DNAH9: variants seen among roughly 807,000 people sequenced by gnomAD.
DNAH9 encodes DNAH9 variant protein.
In DNAH9, 345 loss-of-function variants were observed where a neutral mutation model predicts 471.6. The observed-to-expected ratio is 0.73, with a 90% CI of 0.67 to 0.80. DNAH9 has a LOEUF of 0.80. Ranked by LOEUF, DNAH9 falls within the 30% of genes least tolerant of loss-of-function variation. The pLI is 0.00. For synonymous variants in DNAH9, 2,093 were observed against 2,123.6 expected, an observed-to-expected ratio of 0.99 and a Z score of 0.40; for missense variants, 5,407 against 5,609.2, an observed-to-expected ratio of 0.96 and a Z score of 1.15.
At chr17:11,918,724 G>A (rs2151024797) in intron 61 of DNAH9, among the ~76,000 whole-genome samples, 1 of 152,068 alleles carries the variant, frequency 6.6e-6, no homozygotes, top group South Asian at 2.1e-4. Context: ...AGTGGCTCAT[G>A]CCTATAATCC....
chr17:11,754,713 A>G (rs1410341714), intron 33 of DNAH9, among the ~76,000 whole-genome samples: 2 of 152,096 alleles, frequency 1.3e-5, no homozygotes, highest in African/African-American at 4.8e-5. Flanking sequence ...TAAGTTCCTT[A>G]TAGATGCTGG....
At chr17:11,843,890 T>TATATATATATATATATATATATAC (rs1389217941) in intron 49 of DNAH9, among the ~76,000 whole-genome samples, 5 of 127,212 alleles carry the variant, frequency 3.9e-5, no homozygotes, top group African/African-American at 9.3e-5. Flanking sequence ...TATATATATA[T>TATATATATATATATATATATATAC]ACACATAGAG....
Position 11,807,759 on chromosome 17 carries a change from C to A in DNAH9, c.8448C>A (p.Ser2816=). 7 of 1,612,026 alleles carry A rather than the reference C, an allele frequency of 4.3e-6. No homozygotes were observed. The highest frequency in any genetic ancestry group is 4.2e-6 in the Non-Finnish European group (5 of 1,178,378). Residue 2816 remains serine, a synonymous_variant, in exon 44 of 69, where the codon TCC becomes TCA. Coordinates refer to ENST00000262442, the MANE Select transcript of DNAH9 (RefSeq NM_001372.4). ...HVCHINRILE[S]PRGNALLVGV... Reference sequence around the variant, plus strand: ...GCCATATCAATCGCATCTTGGAGTCCCCGCGGGGAAATGCTCTGCTGGTTG... The same window carrying A: ...GCCATATCAATCGCATCTTGGAGTCACCGCGGGGAAATGCTCTGCTGGTTG...
At chr17:11,911,319 C>T (rs1973787210) in intron 61 of DNAH9, among the ~76,000 whole-genome samples, 2 of 152,138 alleles carry the variant, frequency 1.3e-5, no homozygotes, top group Admixed American at 6.5e-5. Context: ...GATGTTAGAA[C>T]CCTTGTCAAA....
chr17:11,938,775 T>C (rs1271333308), intron 66 of DNAH9, among the ~76,000 whole-genome samples: 3 of 152,090 alleles, frequency 2.0e-5, no homozygotes, highest in African/African-American at 7.2e-5. Context: ...ATTTTTTAAC[T>C]TTTTGTAGAG....
At chr17:11,888,022 G>A (rs1597791689) in intron 57 of DNAH9, among the ~76,000 whole-genome samples, 1 of 147,356 alleles carries the variant, frequency 6.8e-6, no homozygotes, top group Non-Finnish European at 1.5e-5. Context: ...TCGCTTTGTT[G>A]CCCAGGCTGG....
In DNAH9 at chr17:11,822,809, A is replaced by G; in HGVS notation, c.9021A>G (p.Val3007=). 19 of 1,614,240 alleles carry G rather than the reference A, an allele frequency of 1.2e-5. No homozygotes were observed. The highest frequency in any genetic ancestry group is 1.5e-5 in the Non-Finnish European group (18 of 1,180,032). ...LQNTEGIEPT[V]KQSISKFMAF... ...TTGCTCTTTGGTTTTAGCCCACAGT[A>G]AAGCAGTCGATTAGCAAATTCATGG... Residue 3007 remains valine (V), a synonymous_variant, in exon 48 of 69, where the codon GTA becomes GTG. Coordinates refer to ENST00000262442, the MANE Select transcript of DNAH9 (RefSeq NM_001372.4).
chr17:11,855,038 C>T (rs1298779875), intron 50 of DNAH9, among the ~76,000 whole-genome samples: 2 of 152,066 alleles, frequency 1.3e-5, no homozygotes, highest in Non-Finnish European at 2.9e-5. Context: ...TCCTTGTCAA[C>T]CTGAAATAAT....
chr17:11,755,426 A>G (rs935132960), intron 33 of DNAH9, among the ~76,000 whole-genome samples: 1 of 152,156 alleles, frequency 6.6e-6, no homozygotes, highest in African/African-American at 2.4e-5. Flanking sequence ...ATGGTCATTT[A>G]ATGAGTTTGA....
At chr17:11,866,964 T>TG (rs1757738974) in intron 50 of DNAH9, among the ~76,000 whole-genome samples, 2 of 152,256 alleles carry the variant, frequency 1.3e-5, no homozygotes, top group African/African-American at 4.8e-5. Context: ...CCTGACCCCT[T>TG]GTGCTTCCCG....
intron 62 of DNAH9, among the ~76,000 whole-genome samples, chr17:11,927,598 T>G (rs1974375539): frequency 6.6e-6 from 1 of 152,158 alleles, no homozygotes; most frequent in African/African-American, 2.4e-5. Context: ...TCTTTATGGA[T>G]CTAACATCTT....
chr17:11,655,629 AC>A (rs2073626263), intron 14 of DNAH9, among the ~76,000 whole-genome samples: 1 of 150,930 alleles, frequency 6.6e-6, no homozygotes, highest in Non-Finnish European at 1.5e-5. Flanking sequence ...ACACACACAC[AC>A]ACCATGTATA....
Position 11,962,843 on chromosome 17 carries a change from T to C in DNAH9, c.13233+587T>C, listed in dbSNP as rs1232552817. 2.6e-5 allele frequency among the ~76,000 whole-genome samples: 4 copies of C among 152,134 alleles called. No individual in the cohort carries two copies. The highest frequency in any genetic ancestry group is 5.9e-5 in the Non-Finnish European group (4 of 68,032). On this transcript the variant is annotated intron_variant, in intron 68 of 68. Transcript: ENST00000262442. This position sits in a 1 kb window ranked among gnomAD's most constrained non-coding sequence, Gnocchi z 4.1. Reference sequence around the variant, plus strand: ...AAGGGCAGGAATCTTCTGCCTTTTATGTTGTCCTATGTTGGCAAAGAGGAG... The same window carrying C: ...AAGGGCAGGAATCTTCTGCCTTTTACGTTGTCCTATGTTGGCAAAGAGGAG...
chr17:11,708,475 T>C (rs776356951), intron 26 of DNAH9, among the ~76,000 whole-genome samples: 4 of 152,086 alleles, frequency 2.6e-5, no homozygotes, highest in Non-Finnish European at 4.4e-5. Context: ...CAGAGGGAGA[T>C]GTCGATCTCT....
At chr17:11,922,520 C>A (rs926405565) in intron 61 of DNAH9, among the ~76,000 whole-genome samples, 3 of 152,232 alleles carry the variant, frequency 2.0e-5, no homozygotes, top group South Asian at 4.1e-4. Flanking sequence ...TTCCCTTGGG[C>A]GTGGAGAGCA....
At chr17:11,942,262 T>G (rs80304607) in intron 66 of DNAH9, 41 bp from the exon 67 acceptor site, 3 of 1,600,010 alleles carry the variant, frequency 1.9e-6, no homozygotes. Flanking sequence ...TTCTGGAGAA[T>G]AGAGCCCTTT....
Position 11,867,317 on chromosome 17 carries a change from C to G in DNAH9, c.9934-1817C>G, listed in dbSNP as rs140826540. Among the ~76,000 whole-genome samples, 4 of 152,248 alleles carry G rather than the reference C, an allele frequency of 2.6e-5. No individual in the cohort carries two copies. In the East Asian group the frequency reaches 7.7e-4, roughly 29 times the overall value. On this transcript the variant is annotated intron_variant, in intron 50 of 68. Transcript: ENST00000262442. ...AAAGCATATCTGTCAGATGTTGAAC[C>G]TCCTAGATCAGTCCTCTGTTTTCTT...
chr17:11,829,764 C>T (rs991610668), intron 48 of DNAH9, among the ~76,000 whole-genome samples: 2 of 152,210 alleles, frequency 1.3e-5, no homozygotes, highest in South Asian at 2.1e-4. Context: ...TGAGCCACCA[C>T]ACCTGGTCAA....
intron 49 of DNAH9, among the ~76,000 whole-genome samples, chr17:11,852,843 TATATATATATATATATATGA>T (rs1971475719): frequency 2.2e-5 from 3 of 136,408 alleles, no homozygotes; most frequent in Non-Finnish European, 4.7e-5. Flanking sequence ...TATATATATA[TATATATATATATATATATGA>T]AAGTGTGTAT....
Sources: allele counts gnomAD v4.1 joint callset (sites outside exome capture counted in the v4.1 genomes callset), GRCh38; gene constraint gnomAD v4.1.1; non-coding constraint Gnocchi (gnomAD v3.1); transcripts MANE v1.5; gene names NCBI Gene and HGNC (gene_info 2026-07-23, HGNC 2026-07-21).